Variants in TBX15 observed in about 807,000 individuals in gnomAD.
The protein encoded by TBX15 is T-box transcription factor 15.
Under a neutral mutation model 53.9 loss-of-function variants are expected in TBX15, and 18 were observed. The observed-to-expected ratio is 0.33, with a 90% confidence interval of 0.23 to 0.49. The LOEUF is 0.49. TBX15 is among the 20% of genes least tolerant of loss of function. The pLI, the probability that TBX15 is intolerant of heterozygous loss-of-function variation, is 0.98. For synonymous variants in TBX15, 295 were observed against 278.0 expected, an observed-to-expected ratio of 1.06 and a Z score of -0.61; for missense variants, 692 against 749.5, an observed-to-expected ratio of 0.92 and a Z score of 0.90.
At chr1:118,968,495 C>G (rs1344006266) in intron 1 of TBX15, among the ~76,000 whole-genome samples, 2 of 152,232 alleles carry the variant, frequency 1.3e-5, no homozygotes, top group Admixed American at 1.3e-4. Flanking sequence ...GTGTGAACCA[C>G]TACGCCCAGC....
chr1:118,973,161 C>T (rs559104174), intron 1 of TBX15, among the ~76,000 whole-genome samples: 2 of 152,288 alleles, frequency 1.3e-5, no homozygotes, highest in Non-Finnish European at 1.5e-5. Flanking sequence ...TATTATTGCC[C>T]TCATTTGACA....
At chr1:118,945,681 T>TC (rs146936009) in intron 1 of TBX15, among the ~76,000 whole-genome samples, 2,113 of 152,196 alleles carry the variant, frequency 0.014, 59 homozygotes, top group African/African-American at 0.048. Flanking sequence ...AGGATTATTT[T>TC]CCCCCCCTAC....
At chr1:118,926,093 C>G (rs1239389973) in intron 3 of TBX15, among the ~76,000 whole-genome samples, 1 of 152,154 alleles carries the variant, frequency 6.6e-6, no homozygotes, top group African/African-American at 2.4e-5. Context: ...TTCTTCCTCT[C>G]CATCATCTAT....
rs1357106274 is a variant in TBX15, at chr1:118,952,850, A to G, written c.206-21018T>C. Among the ~76,000 whole-genome samples the G allele has an allele frequency of 1.8e-4, 28 of 152,202 alleles. 1 individual carries two copies. Among genetic ancestry groups the G allele is most frequent in the Admixed American group, 1.8e-3 (28 of 15,288 alleles). The stretch of plus-strand genomic sequence containing the variant: ...TATTTATTTTACTTGAAATTCTGCT[A>G]TCTCAGAAAATGAAGTACAGGAAAC... On this transcript the variant is annotated intron_variant, in intron 1 of 7. Transcript: ENST00000369429.
chr1:118,965,117 C>T (rs138176871), intron 1 of TBX15, among the ~76,000 whole-genome samples: 32 of 152,320 alleles, frequency 2.1e-4, no homozygotes, highest in African/African-American at 7.5e-4. Flanking sequence ...TGTTTGCTGC[C>T]ATTTCTTATT....
At chr1:118,971,318 G>A (rs747596518) in intron 1 of TBX15, among the ~76,000 whole-genome samples, 13 of 152,170 alleles carry the variant, frequency 8.5e-5, no homozygotes, top group Non-Finnish European at 1.6e-4. Flanking sequence ...GAGATCAACA[G>A]ACACATTCCA....
intron 5 of TBX15, among the ~76,000 whole-genome samples, chr1:118,922,255 C>A: frequency 6.6e-6 from 1 of 152,156 alleles, no homozygotes; most frequent in East Asian, 1.9e-4. Context: ...GACATGACGA[C>A]AGAGAGATCA....
Position 118,883,543 on chromosome 1 carries a change from G to A in TBX15, c.*1189C>T, listed in dbSNP as rs1021141135. On this transcript the variant is annotated 3_prime_UTR_variant, in exon 8 of 8. Transcript: ENST00000369429. ...CATTCTAGGTCAGGTGTCTGGATCC[G>A]GCACCTGGAGGCCAGGCCTCTATTT... 2.0e-5 allele frequency: 3 copies of A among 152,144 alleles called. No homozygotes were observed. Among genetic ancestry groups the A allele is most frequent in the African/African-American group, 7.2e-5 (3 of 41,434 alleles). The allele number at this position is 152,144 out of a possible 1,614,324, so 9.4% of individuals were successfully genotyped here.
intron 1 of TBX15, among the ~76,000 whole-genome samples, chr1:118,987,285 G>A (rs552336021): frequency 6.6e-6 from 1 of 152,316 alleles, no homozygotes; most frequent in South Asian, 2.1e-4. Context: ...CCCAATCCCA[G>A]GGACCGGCAG....
rs374702161 is a variant in TBX15, at chr1:118,914,099, C to T, written c.926+16G>A. ...GTCACATAGAAAAGAAGTGCCTCTT[C>T]CCCAGTGATTCTTACCTGTTTCTCC... On this transcript the variant is annotated intron_variant, in intron 6 of 7. Transcript: ENST00000369429. 3 of 1,613,336 alleles carry T rather than the reference C, an allele frequency of 1.9e-6. No homozygotes were observed. Among genetic ancestry groups the T allele is most frequent in the African/African-American group, 1.3e-5 (1 of 74,894 alleles).
chr1:118,955,800 G>A (rs1355179455), intron 1 of TBX15, among the ~76,000 whole-genome samples: 2 of 152,134 alleles, frequency 1.3e-5, no homozygotes, highest in Non-Finnish European at 2.9e-5. Context: ...AGTTACAACA[G>A]CCCACTCTTC....
Position 118,884,685 on chromosome 1 carries a change from C to T in TBX15, c.*47G>A, listed in dbSNP as rs1653861893. The T allele has an allele frequency of 1.2e-6, 2 of 1,608,684 alleles. No individual in the cohort carries two copies. Among genetic ancestry groups the T allele is most frequent in the African/African-American group, 1.3e-5 (1 of 74,552 alleles). The stretch of plus-strand genomic sequence containing the variant: ...AAAGAGGAGGATCTGACCACGGAGA[C>T]TCTGGGGCCTTGATTGCCAAATGCT... On this transcript the variant is annotated 3_prime_UTR_variant, in exon 8 of 8. Transcript: ENST00000369429.
intron 1 of TBX15, among the ~76,000 whole-genome samples, chr1:118,976,412 G>T (rs1557907043): frequency 1.3e-5 from 2 of 152,184 alleles, no homozygotes; most frequent in Non-Finnish European, 2.9e-5. Flanking sequence ...GGGTACATTG[G>T]AATATGGCTT....
intron 5 of TBX15, among the ~76,000 whole-genome samples, chr1:118,919,801 C>A (rs1029163164): frequency 1.3e-5 from 2 of 152,068 alleles, no homozygotes; most frequent in Non-Finnish European, 2.9e-5. Flanking sequence ...ACATTACATC[C>A]GAATTTTTCA....
In TBX15 at chr1:118,987,693, A is replaced by C; in HGVS notation, c.103T>G (p.Trp35Gly). 1.3e-6 allele frequency: 2 copies of C among 1,550,322 alleles called. No individual in the cohort carries two copies. The highest frequency in any genetic ancestry group is 1.7e-6 in the Non-Finnish European group (2 of 1,146,836). The part of the protein sequence containing the change: ...GSNKKRKLRD[W>G]EEKGLDLSME... Reference sequence around the variant, plus strand: ...GACAGGTCCAGCCCCTTCTCCTCCCAGTCTCGCAGTTTCCGTTTTTTATTT... The same window carrying C: ...GACAGGTCCAGCCCCTTCTCCTCCCCGTCTCGCAGTTTCCGTTTTTTATTT... The change falls in exon 1 of 8, where the codon TGG becomes GGG. Residue 35 changes from tryptophan (W) to glycine (G), a missense_variant. Trp to Gly is a radical substitution (Grantham distance 184). Coordinates refer to ENST00000369429, the MANE Select transcript of TBX15 (RefSeq NM_001330677.2).
At chr1:118,906,417 T>A (rs1045463050) in intron 6 of TBX15, among the ~76,000 whole-genome samples, 1 of 152,164 alleles carries the variant, frequency 6.6e-6, no homozygotes, top group Non-Finnish European at 1.5e-5. Flanking sequence ...TCTAGCCTAC[T>A]TTTCCTCGTC....
intron 1 of TBX15, among the ~76,000 whole-genome samples, chr1:118,932,680 G>C (rs1655837544): frequency 6.6e-6 from 1 of 152,132 alleles, no homozygotes; most frequent in African/African-American, 2.4e-5. Flanking sequence ...TGTGTCTTCT[G>C]TACTCATGAA....
chr1:118,978,241 T>C (rs2101049043), intron 1 of TBX15, among the ~76,000 whole-genome samples: 1 of 152,354 alleles, frequency 6.6e-6, no homozygotes, highest in East Asian at 1.9e-4. Context: ...AAAATCTCTC[T>C]CTTTTATTTT....
chr1:118,909,010 G>T (rs1005698795), intron 6 of TBX15, among the ~76,000 whole-genome samples: 1 of 152,108 alleles, frequency 6.6e-6, no homozygotes, highest in Non-Finnish European at 1.5e-5. Context: ...GAAAGTAGCA[G>T]TTCCATAAGT....
Sources: gnomAD v4.1 joint callset for allele counts (sites outside exome capture counted in the v4.1 genomes callset) on GRCh38, gnomAD v4.1.1 for gene constraint, MANE v1.5 for transcripts, NCBI Gene and HGNC (gene_info 2026-07-23, HGNC 2026-07-21) for gene names.